Variants in STXBP4 observed in about 807,000 individuals in gnomAD.
STXBP4 encodes syntaxin-binding protein 4.
Under a neutral mutation model 76.1 loss-of-function variants are expected in STXBP4, and 55 were observed. The ratio of observed to expected loss-of-function variants is 0.72; its 90% CI spans 0.58 to 0.91. The LOEUF is 0.91. Among genes scored for constraint, STXBP4 ranks in the 40% least tolerant of loss-of-function variants. STXBP4 has a pLI of 0.00. For missense variants in STXBP4, 618 were observed against 636.9 expected (o/e 0.97, Z 0.32); for synonymous variants, 201 against 220.2 (o/e 0.91, Z 0.77).
chr17:55,142,983 GA>G (rs1368183763), intron 17 of STXBP4, among the ~76,000 whole-genome samples: 1 of 152,130 alleles, frequency 6.6e-6, no homozygotes, highest in Non-Finnish European at 1.5e-5. Context: ...TGTACTGTAG[GA>G]ATGGCAGGAA....
At chr17:55,193,529 G>A in the STXBP4 span, among the ~76,000 whole-genome samples, 1 of 152,070 alleles carries the variant, frequency 6.6e-6, no homozygotes, top group African/African-American at 2.4e-5. Context: ...CAAAAGGAAG[G>A]TGATGATGGC....
the STXBP4 span, among the ~76,000 whole-genome samples, chr17:55,197,504 G>C: frequency 6.6e-6 from 1 of 152,212 alleles, no homozygotes; most frequent in Non-Finnish European, 1.5e-5. Context: ...AGCACTTTGG[G>C]AGGCCAAGGC....
chr17:54,976,499 T>G (rs2077476451), intron 1 of STXBP4, among the ~76,000 whole-genome samples: 1 of 152,208 alleles, frequency 6.6e-6, no homozygotes, highest in South Asian at 2.1e-4. Context: ...ACCAGATCAT[T>G]GCATCTGGAC....
In STXBP4 at chr17:55,128,777, G is replaced by A. The variant is rs117290313; in HGVS notation, c.1490-12533G>A. Among the ~76,000 whole-genome samples the A allele has an allele frequency of 3.5e-3, 537 of 151,988 alleles. 12 individuals are homozygous for A. Among genetic ancestry groups the A allele is most frequent in the Middle Eastern group, 0.027 (8 of 292 alleles). ...ATTACAGGCACCTGCCATCATGCCCGGCTACTTTTACTATTTTTGTAGAGA... is the reference window on the plus strand; with the variant it reads ...ATTACAGGCACCTGCCATCATGCCCAGCTACTTTTACTATTTTTGTAGAGA... On this transcript the variant is annotated intron_variant, in intron 16 of 17. Transcript: ENST00000376352.
chr17:55,061,751 T>A (rs1470689632), intron 12 of STXBP4, among the ~76,000 whole-genome samples: 2 of 152,240 alleles, frequency 1.3e-5, no homozygotes, highest in Non-Finnish European at 2.9e-5. Flanking sequence ...CTTTTGGGAT[T>A]GGTTCTTTTT....
In STXBP4 at chr17:55,000,821, A is replaced by G. The variant is rs1445403464; in HGVS notation, c.512A>G (p.Tyr171Cys). 3 of 1,610,080 alleles carry G rather than the reference A, an allele frequency of 1.9e-6. No individual in the cohort carries two copies. The highest frequency in any genetic ancestry group is 2.5e-6 in the Non-Finnish European group (3 of 1,176,866). ...TTTCTTTCACAGATAAAAACTGGAT[A>G]CAACAAAACAGTACAGATTCCAATT... ...ILSSCEIKTG[Y>C]NKTVQIPITS... Residue 171 changes from tyrosine (Y) to cysteine (C), a missense_variant, in exon 7 of 18, where the codon TAC becomes TGC. Physicochemically the swap from Tyr to Cys is radical, Grantham distance 194. Coordinates refer to ENST00000376352, the MANE Select transcript of STXBP4 (RefSeq NM_178509.6).
intron 16 of STXBP4, among the ~76,000 whole-genome samples, chr17:55,084,763 G>C (rs1390280966): frequency 1.3e-5 from 2 of 152,020 alleles, no homozygotes; most frequent in Admixed American, 6.5e-5. Flanking sequence ...TCTTGTTTTT[G>C]TCAGGTTTGT....
chr17:55,134,781 A>G (rs777173919), intron 16 of STXBP4, among the ~76,000 whole-genome samples: 39 of 152,278 alleles, frequency 2.6e-4, no homozygotes, highest in Admixed American at 5.9e-4. Context: ...ATTAGTGCAC[A>G]GAATAAAGTC....
intron 12 of STXBP4, among the ~76,000 whole-genome samples, chr17:55,051,873 G>T (rs765172487): frequency 5.9e-5 from 9 of 152,058 alleles, no homozygotes; most frequent in Non-Finnish European, 8.8e-5. Context: ...GTACACATGT[G>T]TATTATATAT....
chr17:55,086,885 G>A (rs988653785), intron 16 of STXBP4, among the ~76,000 whole-genome samples: 2 of 152,050 alleles, frequency 1.3e-5, no homozygotes, highest in African/African-American at 2.4e-5. Flanking sequence ...CCCACCAGTG[G>A]TGTACAAGGG....
At chr17:55,026,520 C>G (rs1320550719) in intron 8 of STXBP4, among the ~76,000 whole-genome samples, 1 of 152,096 alleles carries the variant, frequency 6.6e-6, no homozygotes, top group Non-Finnish European at 1.5e-5. Context: ...CTGCAGCCTA[C>G]ACTATGAGCC....
chr17:55,082,082 G>A (rs1264552021), intron 16 of STXBP4, among the ~76,000 whole-genome samples: 1 of 152,100 alleles, frequency 6.6e-6, no homozygotes, highest in Admixed American at 6.5e-5. Flanking sequence ...ATGTGCTAAT[G>A]TACTGTAGAG....
intron 16 of STXBP4, among the ~76,000 whole-genome samples, chr17:55,101,353 A>G (rs2079562879): frequency 6.6e-6 from 1 of 152,198 alleles, no homozygotes; most frequent in Non-Finnish European, 1.5e-5. Flanking sequence ...TCTAATCAAA[A>G]GAAATTTGGG....
In STXBP4 at chr17:55,043,875, G is replaced by T. The variant is rs2078745355; in HGVS notation, c.945+550G>T. 1.2e-5 allele frequency: 6 copies of T among 487,224 alleles called. No individual in the cohort carries two copies. In the South Asian group the frequency reaches 1.8e-4, roughly 15 times the overall value. The allele number at this position is 487,224 out of a possible 1,614,324, so 30.2% of individuals were successfully genotyped here. ...TTTTGTTTTGTGTTTTTGAGACAGG[G>T]TCGCACTCTGTCGCCCAGGCTGGAG... On this transcript the variant is annotated intron_variant, in intron 11 of 17. Transcript: ENST00000376352.
At chr17:55,118,096 C>A (rs528005431) in intron 16 of STXBP4, among the ~76,000 whole-genome samples, 2 of 151,860 alleles carry the variant, frequency 1.3e-5, no homozygotes, top group Non-Finnish European at 2.9e-5. Flanking sequence ...CCATAGTATG[C>A]AAGGATGGAT....
intron 9 of STXBP4, 120 bp downstream of exon 9, chr17:55,031,384 C>A: frequency 1.2e-6 from 1 of 800,378 alleles, no homozygotes; most frequent in Non-Finnish European, 2.0e-6. Flanking sequence ...AAACTACATC[C>A]ATTTCAAGGT....
At chr17:55,051,514 A>G (rs774828994) in intron 12 of STXBP4, among the ~76,000 whole-genome samples, 2 of 152,140 alleles carry the variant, frequency 1.3e-5, no homozygotes, top group African/African-American at 2.4e-5. Flanking sequence ...TAGATGCTTT[A>G]TAGGTCTGAG....
At chr17:55,197,460 G>A in the STXBP4 span, among the ~76,000 whole-genome samples, 1 of 152,198 alleles carries the variant, frequency 6.6e-6, no homozygotes, top group Non-Finnish European at 1.5e-5. Flanking sequence ...TTCAGGCTGA[G>A]TGGCCAGGCG....
chr17:54,995,133 A>T (rs541146215), intron 4 of STXBP4, among the ~76,000 whole-genome samples: 50 of 152,256 alleles, frequency 3.3e-4, no homozygotes, highest in African/African-American at 1.1e-3. Flanking sequence ...GTTAGTCCCC[A>T]CTGTGGTGCC....
Sources: gnomAD v4.1 joint callset for allele counts (sites outside exome capture counted in the v4.1 genomes callset) on GRCh38, gnomAD v4.1.1 for gene constraint, MANE v1.5 for transcripts, NCBI Gene and HGNC (gene_info 2026-07-23, HGNC 2026-07-21) for gene names.